TXNRD1: variants seen among roughly 807,000 people sequenced by gnomAD.
The protein encoded by TXNRD1 is thioredoxin reductase 1.
Under a neutral mutation model 80.3 loss-of-function variants are expected in TXNRD1, and 57 were observed. The ratio of observed to expected loss-of-function variants is 0.71; its 90% CI spans 0.57 to 0.89. The LOEUF is 0.89. Ranked by LOEUF, TXNRD1 falls within the 40% of genes least tolerant of loss-of-function variation. The pLI, the probability that TXNRD1 is intolerant of heterozygous loss-of-function variation, is 0.00. For missense variants in TXNRD1, 730 were observed against 803.0 expected (o/e 0.91, Z 1.10); for synonymous variants, 291 against 285.2 (o/e 1.02, Z -0.20).
At chr12:104,228,547 C>T (rs2032529926) in intron 1 of TXNRD1, among the ~76,000 whole-genome samples, 1 of 152,086 alleles carries the variant, frequency 6.6e-6, no homozygotes, top group Non-Finnish European at 1.5e-5. Flanking sequence ...AGGAGAATCG[C>T]TTGAACCCAG....
At chr12:104,287,142 C>A (rs562906326) in intron 3 of TXNRD1, 36 of 1,528,402 alleles carry the variant, frequency 2.4e-5, no homozygotes, top group Non-Finnish European at 3.5e-6. Flanking sequence ...CCAGACAAAG[C>A]CGCGAGCCCA....
At chr12:104,250,613 G>A (rs1003467481) in intron 1 of TXNRD1, among the ~76,000 whole-genome samples, 63 of 152,190 alleles carry the variant, frequency 4.1e-4, no homozygotes, top group African/African-American at 1.5e-3. Flanking sequence ...CCCACCTAAC[G>A]ATATTGCTGG....
chr12:104,259,839 A>G (rs954631790), intron 3 of TXNRD1, among the ~76,000 whole-genome samples: 6 of 152,096 alleles, frequency 3.9e-5, no homozygotes, highest in African/African-American at 1.4e-4. Context: ...GTGGCAAGAC[A>G]TATTACTTGA....
At chr12:104,335,554 C>T (rs1343341052) in intron 15 of TXNRD1, among the ~76,000 whole-genome samples, 2 of 152,092 alleles carry the variant, frequency 1.3e-5, no homozygotes, top group Non-Finnish European at 2.9e-5. Flanking sequence ...AAACTCTATA[C>T]CTCACAGGGT....
intron 16 of TXNRD1, among the ~76,000 whole-genome samples, chr12:104,344,374 C>A (rs1285794530): frequency 6.6e-6 from 1 of 150,740 alleles, no homozygotes; most frequent in Non-Finnish European, 1.5e-5. Context: ...TTTTTTTAAA[C>A]CCTGGTTGTG....
At chr12:104,343,145 A>C (rs1380448373) in intron 16 of TXNRD1, among the ~76,000 whole-genome samples, 1 of 152,120 alleles carries the variant, frequency 6.6e-6, no homozygotes, top group Non-Finnish European at 1.5e-5. Flanking sequence ...CCTGTTGACT[A>C]ACTTAGTCGT....
At chr12:104,325,084 C>T (rs921454877) in intron 10 of TXNRD1, among the ~76,000 whole-genome samples, 2 of 152,164 alleles carry the variant, frequency 1.3e-5, no homozygotes, top group Admixed American at 1.3e-4. Flanking sequence ...TTTTCCCCCC[C>T]ATTTTTCTCT....
In TXNRD1 at chr12:104,266,717, A is replaced by C. The variant is rs143874923; in HGVS notation, c.304+8638A>C. Among the ~76,000 whole-genome samples, 1,030 of 152,122 alleles carry C rather than the reference A, an allele frequency of 6.8e-3. 12 individuals carry two copies. Among genetic ancestry groups the C allele is most frequent in the Non-Finnish European group, 9.8e-3 (665 of 67,980 alleles). ...GGTGGCTCACGCCTGTACTCCTAGC[A>C]CTTTGGGAGGCCGAGGCGAGCGGAT... On this transcript the variant is annotated intron_variant, in intron 3 of 16. Transcript: ENST00000525566.
chr12:104,333,480 A>T (rs2036031129), intron 14 of TXNRD1, among the ~76,000 whole-genome samples: 1 of 152,068 alleles, frequency 6.6e-6, no homozygotes, highest in Admixed American at 6.6e-5. Context: ...TTCCTATATA[A>T]TTGTGATACT....
chr12:104,277,452 A>G lies in TXNRD1; in HGVS notation c.305-11479A>G, dbSNP rs2033780646. On this transcript the variant is annotated intron_variant, in intron 3 of 16. Coordinates refer to ENST00000525566, the MANE Select transcript of TXNRD1 (RefSeq NM_001093771.3). The stretch of plus-strand genomic sequence containing the variant: ...CGGTAGTGTGTGCCTCTGGCCAGCT[A>G]CTTGGGAAGCTGAGGCATGAGGATC... Among the ~76,000 whole-genome samples the G allele has an allele frequency of 2.0e-5, 3 of 151,468 alleles. No homozygotes were observed. In the South Asian group the frequency reaches 6.2e-4, roughly 31 times the overall value.
intron 3 of TXNRD1, among the ~76,000 whole-genome samples, chr12:104,278,831 T>G (rs2033819287): frequency 6.6e-6 from 1 of 152,194 alleles, no homozygotes; most frequent in South Asian, 2.1e-4. Flanking sequence ...CCAAATTACC[T>G]TTATAAAACT....
chr12:104,216,814 C>A (rs917597936), intron 1 of TXNRD1, among the ~76,000 whole-genome samples: 2 of 152,216 alleles, frequency 1.3e-5, no homozygotes, highest in African/African-American at 2.4e-5. Flanking sequence ...CCAAAAAGTG[C>A]CTTGCCCAAT....
intron 2 of TXNRD1, among the ~76,000 whole-genome samples, chr12:104,253,238 A>G (rs1252852794): frequency 6.6e-6 from 1 of 152,162 alleles, no homozygotes; most frequent in Non-Finnish European, 1.5e-5. Flanking sequence ...GTGGGCGGCA[A>G]AAACACTGAG....
At chr12:104,322,525 T>G (rs1164795089) in intron 10 of TXNRD1, among the ~76,000 whole-genome samples, 1 of 151,734 alleles carries the variant, frequency 6.6e-6, no homozygotes, top group Admixed American at 6.6e-5. Flanking sequence ...GGGCCACAGG[T>G]GCGTGCCACC....
Position 104,258,016 on chromosome 12 carries a change from C to T in TXNRD1, c.244-3C>T, listed in dbSNP as rs929627342. 6.5e-7 allele frequency: 1 copy of T among 1,542,522 alleles called. No individual in the cohort carries two copies. The highest frequency in any genetic ancestry group is 8.8e-7 in the Non-Finnish European group (1 of 1,142,660). Reference sequence around the variant, plus strand: ...TTCCTCCTTGTTTTTCAACTTCTTCCAGGTAAAGAAGTTATTTAAATCTCT... The same window carrying T: ...TTCCTCCTTGTTTTTCAACTTCTTCTAGGTAAAGAAGTTATTTAAATCTCT... On this transcript the variant is annotated splice_polypyrimidine_tract_variant and splice_region_variant and intron_variant, in intron 2 of 16. Coordinates refer to ENST00000525566, the MANE Select transcript of TXNRD1 (RefSeq NM_001093771.3).
chr12:104,232,917 T>C (rs546294414), intron 1 of TXNRD1, among the ~76,000 whole-genome samples: 1 of 152,270 alleles, frequency 6.6e-6, no homozygotes, highest in East Asian at 1.9e-4. Context: ...CCTATCTCCA[T>C]TGGCTGGAGC....
chr12:104,313,031 A>G (rs182323493), intron 5 of TXNRD1, among the ~76,000 whole-genome samples: 224 of 152,336 alleles, frequency 1.5e-3, no homozygotes, highest in Non-Finnish European at 9.8e-4. Context: ...TCTATTCTGC[A>G]TAATTTTAAA....
At chr12:104,317,365 C>CTTT (rs68031758) in intron 7 of TXNRD1, among the ~76,000 whole-genome samples, 3 of 116,330 alleles carry the variant, frequency 2.6e-5, no homozygotes, top group Non-Finnish European at 3.5e-5. Flanking sequence ...TCTGCAGTTA[C>CTTT]TTTTTTTTTT....
At chr12:104,257,506 A>G (rs1274327919) in intron 2 of TXNRD1, among the ~76,000 whole-genome samples, 1 of 150,012 alleles carries the variant, frequency 6.7e-6, no homozygotes, top group Non-Finnish European at 1.5e-5. Flanking sequence ...TCCTGAGTTC[A>G]AGTGATTCTC....
Sources: allele counts gnomAD v4.1 joint callset (sites outside exome capture counted in the v4.1 genomes callset), GRCh38; gene constraint gnomAD v4.1.1; transcripts MANE v1.5; gene names NCBI Gene and HGNC (gene_info 2026-07-23, HGNC 2026-07-21).